Variants in POLQ observed in about 807,000 individuals in gnomAD.
POLQ encodes epididymis secretory sperm binding protein.
POLQ carries 233 observed loss-of-function variants against 259.2 expected under a neutral mutation model. That is an observed-to-expected ratio of 0.90 (90% CI 0.81 to 1.00). POLQ has a LOEUF of 1.00. Among genes scored for constraint, POLQ ranks in the 50% least tolerant of loss-of-function variants. The probability of loss-of-function intolerance (pLI) is 0.00; values close to 1 mark genes in which losing one functional copy is unlikely to be tolerated. For synonymous variants in POLQ, 1,025 were observed against 1,048.8 expected (o/e 0.98, Z 0.44); for missense variants, 2,871 against 3,051.6 (o/e 0.94, Z 1.39).
intron 19 of POLQ, among the ~76,000 whole-genome samples, chr3:121,476,970 C>G (rs2047932723): frequency 6.6e-6 from 1 of 152,166 alleles, no homozygotes; most frequent in African/African-American, 2.4e-5. Context: ...AGTCGGCAAT[C>G]TTGTGACTAG....
intron 7 of POLQ, 87 bp from the exon 8 acceptor site, chr3:121,522,236 AG>A: frequency 1.3e-6 from 1 of 775,684 alleles, no homozygotes. Flanking sequence ...GCTAAATAGC[AG>A]GGGAATGGTT....
At chr3:121,451,107 C>T (rs1281848557) in intron 25 of POLQ, among the ~76,000 whole-genome samples, 2 of 152,200 alleles carry the variant, frequency 1.3e-5, no homozygotes, top group Non-Finnish European at 2.9e-5. Flanking sequence ...GCATTTGTCA[C>T]GTAGTTCTTT....
intron 26 of POLQ, among the ~76,000 whole-genome samples, chr3:121,448,601 G>A (rs1469426301): frequency 1.3e-5 from 2 of 151,850 alleles, no homozygotes; most frequent in East Asian, 1.9e-4. Context: ...TCTTGACCTC[G>A]TGATCTGTCC....
At position 121,481,597 on chromosome 3, in the gene POLQ, A is replaced by C; in HGVS notation, c.6186T>G (p.Ser2062=). The stretch of plus-strand genomic sequence containing the variant: ...CTTGAAGGTTTTCCTTCTGCAACAA[A>C]GAGTTGAGCTGATTCATAGAGTTGA... ...LIFNSMNQLN[S]LLQKENLQDV... is the part of the protein sequence containing the mutation. Residue 2062 remains serine (S), a synonymous_variant, in exon 19 of 30, where the codon TCT becomes TCG. Transcript: ENST00000264233. The C allele has an allele frequency of 6.2e-7, 1 of 1,600,360 alleles. No homozygotes were observed. Among genetic ancestry groups the C allele is most frequent in the Non-Finnish European group, 8.5e-7 (1 of 1,172,634 alleles).
At chr3:121,454,630 C>A (rs2047715008) in intron 25 of POLQ, among the ~76,000 whole-genome samples, 1 of 152,058 alleles carries the variant, frequency 6.6e-6, no homozygotes. Context: ...TCAAAAGAGA[C>A]AAAGAAGGCC....
intron 15 of POLQ, among the ~76,000 whole-genome samples, chr3:121,491,302 G>A (rs2048066473): frequency 7.7e-6 from 1 of 129,718 alleles, no homozygotes; most frequent in Admixed American, 9.0e-5. Flanking sequence ...GCAGTGAGCC[G>A]AGATTACGCC....
intron 15 of POLQ, among the ~76,000 whole-genome samples, chr3:121,492,549 C>G (rs1037373934): frequency 6.6e-6 from 1 of 151,906 alleles, no homozygotes; most frequent in African/African-American, 2.4e-5. Flanking sequence ...ATAATGAAAT[C>G]ACATCAAAAT....
intron 6 of POLQ, among the ~76,000 whole-genome samples, chr3:121,531,753 G>A (rs1019412020): frequency 2.6e-5 from 4 of 152,006 alleles, no homozygotes; most frequent in African/African-American, 9.7e-5. Context: ...GGTAAAAGAA[G>A]AAAAAAATTA....
At chr3:121,445,594 G>A (rs1459096999) in intron 26 of POLQ, among the ~76,000 whole-genome samples, 1 of 152,104 alleles carries the variant, frequency 6.6e-6, no homozygotes, top group East Asian at 1.9e-4. Flanking sequence ...CAGGTGCAGT[G>A]GCTCAAGCCT....
At chr3:121,526,877 G>A (rs923972015) in intron 7 of POLQ, among the ~76,000 whole-genome samples, 2 of 146,880 alleles carry the variant, frequency 1.4e-5, no homozygotes, top group African/African-American at 2.5e-5. Context: ...GTCTCTGTAT[G>A]TGTGTGTGTG....
At chr3:121,468,572 A>G in intron 22 of POLQ, 141 bp from the exon 23 acceptor site, 1 of 581,254 alleles carries the variant, frequency 1.7e-6, no homozygotes, top group Admixed American at 3.2e-5. Context: ...AATATTTTTC[A>G]TCATGTTCAT....
At chr3:121,493,798 ATTTTC>A (rs1168918868) in intron 14 of POLQ, 77 bp from the exon 15 acceptor site, 61 of 1,390,292 alleles carry the variant, frequency 4.4e-5, no homozygotes, top group Non-Finnish European at 4.5e-5. Context: ...ATGTATTTAT[ATTTTC>A]TTTTGTTTTT....
At chr3:121,476,010 T>G (rs2047922258) in intron 20 of POLQ, among the ~76,000 whole-genome samples, 1 of 152,160 alleles carries the variant, frequency 6.6e-6, no homozygotes, top group Non-Finnish European at 1.5e-5. Flanking sequence ...CTCATTTTCT[T>G]TTAAATATGT....
intron 9 of POLQ, among the ~76,000 whole-genome samples, chr3:121,512,448 A>T (rs1024906316): frequency 3.9e-5 from 6 of 152,188 alleles, no homozygotes; most frequent in African/African-American, 1.4e-4. Context: ...AATAACTTCT[A>T]TCTTCCATTA....
rs1409574716 is a variant in POLQ, at chr3:121,534,033, C to T, written c.741-824G>A. Reference sequence around the variant, plus strand: ...CTGGGACTACAGGCGCCCACCACCACGCCTGGCTAATTTTTTGTATTTTTA... The same window carrying T: ...CTGGGACTACAGGCGCCCACCACCATGCCTGGCTAATTTTTTGTATTTTTA... On this transcript the variant is annotated intron_variant, in intron 5 of 29. Coordinates refer to ENST00000264233, the MANE Select transcript of POLQ (RefSeq NM_199420.4). Among the ~76,000 whole-genome samples, 9 of 151,702 alleles carry T rather than the reference C, an allele frequency of 5.9e-5. No individual in the cohort carries two copies. In the East Asian group the frequency reaches 1.6e-3, roughly 26 times the overall value.
intron 2 of POLQ, 147 bp downstream of exon 2, chr3:121,544,580 A>T: frequency 1.8e-6 from 1 of 557,568 alleles, no homozygotes; most frequent in Non-Finnish European, 3.1e-6. Flanking sequence ...TATAAATAAA[A>T]CTCCACTTTT....
intron 9 of POLQ, among the ~76,000 whole-genome samples, chr3:121,517,054 G>A (rs2048302995): frequency 6.6e-6 from 1 of 152,106 alleles, no homozygotes; most frequent in Non-Finnish European, 1.5e-5. Flanking sequence ...AACATAACAA[G>A]GCAAATAAGA....
intron 9 of POLQ, among the ~76,000 whole-genome samples, chr3:121,514,370 A>AT (rs2048279594): frequency 6.6e-6 from 1 of 151,486 alleles, no homozygotes; most frequent in Non-Finnish European, 1.5e-5. Context: ...CCAAAAAAAA[A>AT]AAAAAAAAAC....
chr3:121,520,622 G>T (rs2048330409), intron 8 of POLQ, among the ~76,000 whole-genome samples: 1 of 152,174 alleles, frequency 6.6e-6, no homozygotes. Flanking sequence ...AACTTTTCCT[G>T]TTCCTGTGGA....
Sources: allele counts gnomAD v4.1 joint callset (sites outside exome capture counted in the v4.1 genomes callset), GRCh38; gene constraint gnomAD v4.1.1; transcripts MANE v1.5; gene names NCBI Gene and HGNC (gene_info 2026-07-23, HGNC 2026-07-21).